The following COL6A5 variants were observed in gnomAD, a reference collection of about 807,000 sequenced individuals.
COL6A5 encodes the protein collagen alpha-5(VI) chain.
COL6A5 carries 48 observed loss-of-function variants against 65.6 expected under a neutral mutation model. The ratio of observed to expected loss-of-function variants is 0.73; its 90% CI spans 0.58 to 0.93. The LOEUF (loss-of-function observed/expected upper bound fraction) is 0.93. Among genes scored for constraint, COL6A5 ranks in the 40% least tolerant of loss-of-function variants. The pLI, the probability that COL6A5 is intolerant of heterozygous loss-of-function variation, is 0.00. For synonymous variants in COL6A5, 291 were observed against 322.8 expected, an observed-to-expected ratio of 0.90 and a Z score of 1.05; for missense variants, 914 against 928.3, an observed-to-expected ratio of 0.98 and a Z score of 0.20.
chr3:130,372,853 C>G (rs1391473393), intron 1 of COL6A5, among the ~76,000 whole-genome samples: 1 of 152,122 alleles, frequency 6.6e-6, no homozygotes, highest in Non-Finnish European at 1.5e-5. Flanking sequence ...AAAAATCAGC[C>G]CTTACACCTT....
intron 1 of COL6A5, among the ~76,000 whole-genome samples, chr3:130,362,298 A>T (rs1388469271): frequency 6.7e-4 from 1 of 1,494 alleles, no homozygotes; most frequent in African/African-American, 1.5e-3. Context: ...CCATATATAT[A>T]TATATATATA....
chr3:130,394,803 AT>A, intron 7 of COL6A5, 86 bp from the exon 8 acceptor site: 1 of 910,824 alleles, frequency 1.1e-6, no homozygotes, highest in Non-Finnish European at 1.7e-6. Context: ...CAATTGAAGT[AT>A]TTAGTAAAGC....
intron 3 of COL6A5, among the ~76,000 whole-genome samples, chr3:130,378,570 A>T (rs938119329): frequency 2.0e-5 from 3 of 152,128 alleles, no homozygotes; most frequent in Non-Finnish European, 2.9e-5. Context: ...AAATAAGATC[A>T]TGTGACTCCC....
intron 1 of COL6A5, among the ~76,000 whole-genome samples, chr3:130,433,970 AAAAC>A (rs1406278244): frequency 1.4e-5 from 2 of 146,618 alleles, no homozygotes; most frequent in Admixed American, 6.9e-5. Context: ...TCTAAAAAAA[AAAAC>A]AAAAACAAAA....
At chr3:130,405,896 G>A (rs945775230) in intron 14 of COL6A5, 97 bp from the exon 15 acceptor site, 93 of 1,223,292 alleles carry the variant, frequency 7.6e-5, no homozygotes, top group African/African-American at 1.1e-4. Flanking sequence ...AGCCCGAAGC[G>A]ACTAAAGAAA....
rs117746497 is a variant in COL6A5, at chr3:130,447,597, A to C, written c.1332+4031A>C. ...TATGTGTAATATAGAAAGGGTGTCT[A>C]TGTTGGCAAACCGCGTGTTGTAACC... is the stretch of plus-strand genomic sequence containing the variant. On this transcript the variant is annotated intron_variant, in intron 4 of 7. Transcript: ENST00000512836. Among the ~76,000 whole-genome samples, 702 of 152,278 alleles carry C rather than the reference A, an allele frequency of 4.6e-3. 26 individuals carry two copies. The East Asian group carries it at 0.085, about 18-fold the overall frequency.
At chr3:130,465,596 T>C (rs939845021) in intron 5 of COL6A5, among the ~76,000 whole-genome samples, 2 of 152,100 alleles carry the variant, frequency 1.3e-5, no homozygotes, top group Non-Finnish European at 2.9e-5. Flanking sequence ...GATCAGACTC[T>C]TTCCATGCAA....
intron 1 of COL6A5, among the ~76,000 whole-genome samples, chr3:130,436,993 G>A (rs550840135): frequency 4.3e-4 from 66 of 152,206 alleles, no homozygotes; most frequent in African/African-American, 1.4e-3. Context: ...GCTAATGGAT[G>A]TTTCAAACTT....
intron 5 of COL6A5, among the ~76,000 whole-genome samples, chr3:130,460,056 C>T (rs1709668444): frequency 6.6e-6 from 1 of 151,922 alleles, no homozygotes; most frequent in South Asian, 2.1e-4. Flanking sequence ...TGTCATGTAT[C>T]AAACTTGAAT....
chr3:130,415,623 AT>A, intron 22 of COL6A5, 21 bp from the exon 23 acceptor site: 2 of 1,534,642 alleles, frequency 1.3e-6, no homozygotes, highest in Non-Finnish European at 1.8e-6. Context: ...ATTGCATTGT[AT>A]TTCCTTTGTT....
At chr3:130,433,809 T>C (rs1937922943) in intron 1 of COL6A5, among the ~76,000 whole-genome samples, 1 of 152,218 alleles carries the variant, frequency 6.6e-6, no homozygotes, top group South Asian at 2.1e-4. Context: ...TATTCCTGTG[T>C]GAGGTTAAAC....
At chr3:130,461,937 AGT>A (rs1371305561) in intron 5 of COL6A5, among the ~76,000 whole-genome samples, 5 of 151,884 alleles carry the variant, frequency 3.3e-5, no homozygotes, top group African/African-American at 1.2e-4. Context: ...ACTGTTTCAG[AGT>A]GTGAAATGAC....
intron 4 of COL6A5, among the ~76,000 whole-genome samples, chr3:130,380,936 T>C (rs1935973589): frequency 6.6e-6 from 1 of 152,120 alleles, no homozygotes; most frequent in Admixed American, 6.6e-5. Context: ...ACATTATTTT[T>C]TGCTGTTCGT....
chr3:130,464,060 C>T (rs1709760196), intron 5 of COL6A5, among the ~76,000 whole-genome samples: 1 of 152,014 alleles, frequency 6.6e-6, no homozygotes, highest in Non-Finnish European at 1.5e-5. Flanking sequence ...TATGGGCTTG[C>T]AGAAAACAAT....
At chr3:130,395,277 TA>T in exon 8 of COL6A5, 1 of 1,551,646 alleles carries the variant, frequency 6.4e-7, no homozygotes, top group Non-Finnish European at 8.7e-7. Context: ...GCAGATGCAG[TA>T]AAAACCCTGA....
intron 7 of COL6A5, among the ~76,000 whole-genome samples, chr3:130,479,018 T>C (rs1157205240): frequency 6.6e-6 from 1 of 152,018 alleles, no homozygotes; most frequent in Non-Finnish European, 1.5e-5. Flanking sequence ...ATATTGGAGA[T>C]ATATTGATGA....
intron 1 of COL6A5, among the ~76,000 whole-genome samples, chr3:130,366,335 C>T (rs1309899548): frequency 5.3e-5 from 8 of 152,162 alleles, no homozygotes; most frequent in Non-Finnish European, 1.2e-4. Context: ...CTGTATATAT[C>T]AGTGTGGTTT....
chr3:130,447,057 G>A (rs1256664810), intron 4 of COL6A5, among the ~76,000 whole-genome samples: 1 of 152,086 alleles, frequency 6.6e-6, no homozygotes, highest in Admixed American at 6.6e-5. Context: ...GATTGTAAGC[G>A]ATTCCAGTAA....
exon 5 of COL6A5, chr3:130,455,643 C>T (rs1354438777): frequency 6.2e-7 from 1 of 1,612,248 alleles, no homozygotes; most frequent in African/African-American, 1.3e-5. Flanking sequence ...CAAAAATCTG[C>T]AGAAATTGCA....
Sources: allele counts gnomAD v4.1 joint callset (sites outside exome capture counted in the v4.1 genomes callset), GRCh38; gene constraint gnomAD v4.1.1; transcripts MANE v1.5; gene names NCBI Gene and HGNC (gene_info 2026-07-23, HGNC 2026-07-21).